The following RAD51B variants were observed in gnomAD, a reference collection of about 807,000 sequenced individuals.
The protein encoded by RAD51B is RAD51 paralog B, also known as DNA repair protein RAD51 homolog 2.
A neutral mutation model predicts 42.2 loss-of-function variants in RAD51B; 38 were observed. The ratio of observed to expected loss-of-function variants is 0.90; its 90% CI spans 0.70 to 1.18. RAD51B has a LOEUF of 1.18. Among genes scored for constraint, RAD51B ranks in the 50% most tolerant of loss-of-function variants. The pLI is 0.00. For synonymous variants in RAD51B, 154 were observed against 145.2 expected (o/e 1.06, Z -0.43); for missense variants, 373 against 400.7 (o/e 0.93, Z 0.59).
chr14:67,913,987 A>ATT (rs553886634), intron 7 of RAD51B, among the ~76,000 whole-genome samples: 64 of 145,070 alleles, frequency 4.4e-4, no homozygotes, highest in Middle Eastern at 3.5e-3. Flanking sequence ...CATGAGTTCA[A>ATT]TTTTTTTTTT....
chr14:68,349,687 G>A (rs1225402890), intron 8 of RAD51B, among the ~76,000 whole-genome samples: 1 of 152,062 alleles, frequency 6.6e-6, no homozygotes, highest in African/African-American at 2.4e-5. Context: ...TTATATCCAT[G>A]GGGAGCTTGG....
intron 8 of RAD51B, among the ~76,000 whole-genome samples, chr14:68,344,776 T>G (rs542734169): frequency 6.6e-6 from 1 of 150,548 alleles, no homozygotes; most frequent in Non-Finnish European, 1.5e-5. Context: ...TGAAACCCAG[T>G]CTCTACTAAA....
intron 7 of RAD51B, among the ~76,000 whole-genome samples, chr14:68,170,231 C>T (rs1474366779): frequency 6.6e-6 from 1 of 152,232 alleles, no homozygotes; most frequent in Non-Finnish European, 1.5e-5. Context: ...CAAGCATTCT[C>T]TCTAGAGTTT....
chr14:68,153,612 G>A (rs1467609138), intron 7 of RAD51B, among the ~76,000 whole-genome samples: 1 of 152,072 alleles, frequency 6.6e-6, no homozygotes, highest in Admixed American at 6.5e-5. Flanking sequence ...TTTTTCATAT[G>A]CTCGTTGGCC....
chr14:68,148,363 AT>A (rs1197150542), intron 7 of RAD51B, among the ~76,000 whole-genome samples: 3 of 152,174 alleles, frequency 2.0e-5, no homozygotes, highest in African/African-American at 7.2e-5. Flanking sequence ...GAATCACTAG[AT>A]TATAGGATTG....
chr14:67,993,852 T>G (rs2075338133), intron 7 of RAD51B, among the ~76,000 whole-genome samples: 1 of 152,180 alleles, frequency 6.6e-6, no homozygotes, highest in Non-Finnish European at 1.5e-5. Context: ...TACTTTGTTT[T>G]TTGTGATGTA....
At chr14:68,434,644 C>T (rs536506372) in intron 9 of RAD51B, among the ~76,000 whole-genome samples, 5 of 152,314 alleles carry the variant, frequency 3.3e-5, no homozygotes, top group Non-Finnish European at 7.4e-5. Context: ...CTGTCGGTCA[C>T]AGCTTCCCTT....
intron 10 of RAD51B, among the ~76,000 whole-genome samples, chr14:68,521,208 A>G (rs1015369230): frequency 6.6e-6 from 1 of 152,130 alleles, no homozygotes; most frequent in Non-Finnish European, 1.5e-5. Context: ...CCCAGAGAGG[A>G]GGGAGTCCCA....
chr14:68,572,469 C>A (rs562714598), intron 10 of RAD51B, among the ~76,000 whole-genome samples: 1 of 152,362 alleles, frequency 6.6e-6, no homozygotes, highest in Non-Finnish European at 1.5e-5. Context: ...CTGAGCTGCC[C>A]CTTGCAGCTG....
exon 11 of RAD51B, chr14:68,595,433 A>G (rs1890951326): frequency 1.9e-6 from 2 of 1,066,524 alleles, no homozygotes; most frequent in Admixed American, 1.1e-4. Flanking sequence ...GTCTTTTTAC[A>G]TCAGTGTTTC....
At chr14:68,675,111 C>T (rs925094743) in intron 11 of RAD51B, among the ~76,000 whole-genome samples, 5 of 152,176 alleles carry the variant, frequency 3.3e-5, no homozygotes, top group East Asian at 1.9e-4. Flanking sequence ...CTCTGCCCAG[C>T]CTGGAGGAGA....
At chr14:67,903,711 G>T (rs1182985268) in intron 7 of RAD51B, among the ~76,000 whole-genome samples, 1 of 152,114 alleles carries the variant, frequency 6.6e-6, no homozygotes, top group African/African-American at 2.4e-5. Context: ...ATGTGATCGA[G>T]TTCTGGACAG....
At chr14:67,901,679 G>A (rs2043618813) in intron 7 of RAD51B, among the ~76,000 whole-genome samples, 1 of 152,138 alleles carries the variant, frequency 6.6e-6, no homozygotes, top group African/African-American at 2.4e-5. Context: ...CAACCAAAGT[G>A]GATGATTGGA....
rs778136542 is a variant in RAD51B, at chr14:68,331,367, C to CAAAAAA, written c.853+39400_853+39405dup. 2.3e-3 allele frequency among the ~76,000 whole-genome samples: 76 copies of CAAAAAA among 32,920 alleles called. 9 individuals carry two copies. The highest frequency in any genetic ancestry group is 7.7e-3 in the Admixed American group (18 of 2,336). The allele number at this position is 32,920 out of a possible 152,430, so 21.6% of individuals were successfully genotyped here. On this transcript the variant is annotated intron_variant, in intron 8 of 10. Coordinates refer to ENST00000471583, the MANE Select transcript of RAD51B (RefSeq NM_133510.4). ...TGGGCTACAGAACGAGACTCTGTCTCAAAAAAAAAAAAAAAAAAGCAATGG... is the reference window on the plus strand; with the variant it reads ...TGGGCTACAGAACGAGACTCTGTCTCAAAAAAAAAAAAAAAAAAAAAAAAGCAATGG...
intron 7 of RAD51B, among the ~76,000 whole-genome samples, chr14:68,247,959 C>G (rs773449259): frequency 2.0e-5 from 3 of 152,110 alleles, no homozygotes; most frequent in Admixed American, 6.5e-5. Flanking sequence ...CTAATTGATC[C>G]TCAGGACAGT....
intron 7 of RAD51B, chr14:68,069,718 C>T (rs1385545110): frequency 1.3e-5 from 2 of 152,102 alleles, no homozygotes; most frequent in South Asian, 4.1e-4. Context: ...CATGTCTTTG[C>T]TATTGTGAAT....
At position 68,411,131 on chromosome 14, in the gene RAD51B, A is replaced by G. The variant is rs547139944; in HGVS notation, c.854-293A>G. Among the ~76,000 whole-genome samples the G allele has an allele frequency of 7.9e-4, 121 of 152,248 alleles. 1 individual carries two copies. Among genetic ancestry groups the G allele is most frequent in the Non-Finnish European group, 1.2e-3 (83 of 68,046 alleles). On this transcript the variant is annotated intron_variant, in intron 8 of 10. Coordinates refer to ENST00000471583, the MANE Select transcript of RAD51B (RefSeq NM_133510.4). ...TAGATATTGAATGGCTAGATTTACTAGTAGCAATGGCTCTGAGCTATCTTG... is the reference window on the plus strand; with the variant it reads ...TAGATATTGAATGGCTAGATTTACTGGTAGCAATGGCTCTGAGCTATCTTG...
chr14:67,851,363 CG>C (rs2041801694), intron 4 of RAD51B, among the ~76,000 whole-genome samples: 1 of 151,048 alleles, frequency 6.6e-6, no homozygotes, highest in Non-Finnish European at 1.5e-5. Flanking sequence ...GGCACTTAGG[CG>C]GTGGGAGCCC....
intron 8 of RAD51B, among the ~76,000 whole-genome samples, chr14:68,350,450 T>C (rs1047789699): frequency 1.3e-5 from 2 of 152,196 alleles, no homozygotes; most frequent in South Asian, 4.1e-4. Flanking sequence ...GACACTAAAC[T>C]GCATCTGCAT....
Sources: gnomAD v4.1 joint callset for allele counts (sites outside exome capture counted in the v4.1 genomes callset) on GRCh38, gnomAD v4.1.1 for gene constraint, MANE v1.5 for transcripts, NCBI Gene and HGNC (gene_info 2026-07-23, HGNC 2026-07-21) for gene names.